PCDH15: variants seen among roughly 807,000 people sequenced by gnomAD.
The protein encoded by PCDH15 is protocadherin related 15.
PCDH15 carries 129 observed loss-of-function variants against 178.5 expected under a neutral mutation model. The observed-to-expected ratio is 0.72, with a 90% CI of 0.63 to 0.84. The LOEUF is 0.84. Ranked by LOEUF, PCDH15 falls within the 40% of genes least tolerant of loss-of-function variation. The pLI is 0.00. For missense variants in PCDH15, 2,230 were observed against 2,099.9 expected (o/e 1.06, Z -1.21); for synonymous variants, 800 against 732.0 (o/e 1.09, Z -1.50).
At position 53,893,409 on chromosome 10, in the gene PCDH15, T is replaced by C. The variant is rs1458463166; in HGVS notation, c.3501+9834A>G. On this transcript the variant is annotated intron_variant, in intron 26 of 37. Coordinates refer to ENST00000644397, the MANE Select transcript of PCDH15 (RefSeq NM_001384140.1). Reference sequence around the variant, plus strand: ...TTGAAATGATCATTCATGCAACATATGTTAAACAGGTTAAAAGACATGAGT... The same window carrying C: ...TTGAAATGATCATTCATGCAACATACGTTAAACAGGTTAAAAGACATGAGT... 7.2e-5 allele frequency among the ~76,000 whole-genome samples: 11 copies of C among 152,288 alleles called. No individual in the cohort carries two copies. The South Asian group carries it at 2.3e-3, about 32-fold the overall frequency.
intron 2 of PCDH15, among the ~76,000 whole-genome samples, chr10:55,445,985 A>C (rs1254914499): frequency 6.6e-6 from 1 of 152,142 alleles, no homozygotes; most frequent in Non-Finnish European, 1.5e-5. Flanking sequence ...GGTTTACCAG[A>C]AATATTTGTA....
At chr10:54,430,050 T>G (rs1055986198) in intron 3 of PCDH15, among the ~76,000 whole-genome samples, 10 of 19,776 alleles carry the variant, frequency 5.1e-4, no homozygotes, top group Non-Finnish European at 1.3e-3. Context: ...CTTCTTCTCC[T>G]TTTTTTTTTT....
intron 2 of PCDH15, among the ~76,000 whole-genome samples, chr10:54,927,274 C>G (rs1436474321): frequency 6.6e-6 from 1 of 152,020 alleles, no homozygotes; most frequent in Non-Finnish European, 1.5e-5. Flanking sequence ...TGATTTCTAA[C>G]TTGATTGTGC....
At chr10:54,113,989 A>G (rs2095069750) in intron 15 of PCDH15, among the ~76,000 whole-genome samples, 1 of 152,000 alleles carries the variant, frequency 6.6e-6, no homozygotes, top group Admixed American at 6.6e-5. Context: ...ATCTTGTGAG[A>G]TTTATTCACT....
At chr10:55,576,584 A>G (rs1842499912) in intron 2 of PCDH15, among the ~76,000 whole-genome samples, 1 of 152,254 alleles carries the variant, frequency 6.6e-6, no homozygotes, top group Admixed American at 6.5e-5. Context: ...AAGGATTTGT[A>G]GCAAGATTAA....
At position 54,902,256 on chromosome 10, in the gene PCDH15, A is replaced by G. The variant is rs147845288; in HGVS notation, c.-79-4756T>C. On this transcript the variant is annotated intron_variant, in intron 2 of 5. Coordinates refer to the PCDH15 transcript ENST00000458638. The stretch of plus-strand genomic sequence containing the variant: ...ATGTGGATGCACGTGTCACTATCCT[A>G]TTTGAAAGAGCTGATACACCACTGA... Among the ~76,000 whole-genome samples, 4 of 152,328 alleles carry G rather than the reference A, an allele frequency of 2.6e-5. No homozygotes were observed. The East Asian group carries it at 7.7e-4, about 29-fold the overall frequency.
intron 3 of PCDH15, among the ~76,000 whole-genome samples, chr10:54,410,697 G>A (rs1271992215): frequency 6.6e-6 from 1 of 152,222 alleles, no homozygotes; most frequent in Admixed American, 6.5e-5. Context: ...AATGGAAACA[G>A]GAGGCCTCCT....
At chr10:55,082,103 A>G (rs1842053575) in intron 2 of PCDH15, among the ~76,000 whole-genome samples, 2 of 152,214 alleles carry the variant, frequency 1.3e-5, no homozygotes, top group Admixed American at 6.6e-5. Flanking sequence ...AGAACATTTC[A>G]TCTAACTGCT....
intron 2 of PCDH15, among the ~76,000 whole-genome samples, chr10:55,026,506 C>T (rs1840478783): frequency 6.6e-6 from 1 of 151,834 alleles, no homozygotes; most frequent in Non-Finnish European, 1.5e-5. Context: ...AAAGCCAATA[C>T]TTTGTAACTT....
At chr10:55,321,730 C>T (rs1843907249), upstream of PCDH15, among the ~76,000 whole-genome samples, 1 of 152,036 alleles carries the variant, frequency 6.6e-6, no homozygotes, top group Admixed American at 6.6e-5. Context: ...TAAATTCCAA[C>T]CAAGAATTTC....
intron 2 of PCDH15, among the ~76,000 whole-genome samples, chr10:55,496,651 T>C (rs937445707): frequency 3.5e-4 from 53 of 151,794 alleles, no homozygotes; most frequent in African/African-American, 1.2e-3. Context: ...TTCATTTTAA[T>C]TTTAGCATAT....
chr10:54,674,383 T>C (rs369165830), intron 1 of PCDH15, among the ~76,000 whole-genome samples: 3 of 152,170 alleles, frequency 2.0e-5, no homozygotes, highest in African/African-American at 7.2e-5. Flanking sequence ...TTTCTCTTTG[T>C]ACTTTACCAA....
At chr10:54,986,859 A>G (rs1357254413) in intron 2 of PCDH15, among the ~76,000 whole-genome samples, 1 of 152,190 alleles carries the variant, frequency 6.6e-6, no homozygotes, top group East Asian at 1.9e-4. Context: ...TAGAGTTATC[A>G]AGCAATAATC....
chr10:55,497,989 T>G (rs1276422470), intron 2 of PCDH15, among the ~76,000 whole-genome samples: 1 of 151,876 alleles, frequency 6.6e-6, no homozygotes, highest in Non-Finnish European at 1.5e-5. Context: ...ATAAATCTGT[T>G]GGGTTTAGCC....
chr10:54,961,863 G>C (rs1412340212), intron 2 of PCDH15, among the ~76,000 whole-genome samples: 2 of 151,960 alleles, frequency 1.3e-5, no homozygotes, highest in Admixed American at 6.6e-5. Context: ...CTGCAGATAG[G>C]AACTACTCAC....
chr10:54,019,417 A>C (rs1489041988), intron 20 of PCDH15, among the ~76,000 whole-genome samples: 5 of 152,088 alleles, frequency 3.3e-5, no homozygotes, highest in Admixed American at 2.0e-4. Context: ...CTTTTCTCAA[A>C]TGCTGATGTT....
At chr10:54,758,853 C>T (rs1947502817) in intron 1 of PCDH15, among the ~76,000 whole-genome samples, 1 of 152,180 alleles carries the variant, frequency 6.6e-6, no homozygotes, top group Non-Finnish European at 1.5e-5. Flanking sequence ...CAAAGACTTT[C>T]CGGGTTATAG....
chr10:54,616,372 C>T (rs1210167312), intron 2 of PCDH15, among the ~76,000 whole-genome samples: 1 of 152,038 alleles, frequency 6.6e-6, no homozygotes, highest in Non-Finnish European at 1.5e-5. Context: ...AGATGAGGAA[C>T]TTTTAAATCA....
At chr10:54,813,465 AC>A in intron 3 of PCDH15, among the ~76,000 whole-genome samples, 1 of 152,216 alleles carries the variant, frequency 6.6e-6, no homozygotes, top group East Asian at 1.9e-4. Flanking sequence ...TGCAAAAGAT[AC>A]CCCCATCTAT....
Sources: allele counts gnomAD v4.1 joint callset (sites outside exome capture counted in the v4.1 genomes callset), GRCh38; gene constraint gnomAD v4.1.1; transcripts MANE v1.5; gene names NCBI Gene and HGNC (gene_info 2026-07-23, HGNC 2026-07-21).